Variants in PREP observed in about 807,000 individuals in gnomAD.
The protein encoded by PREP is dJ355L5.1 (prolyl endopeptidase).
PREP carries 29 observed loss-of-function variants against 87.6 expected under a neutral mutation model. The observed-to-expected ratio is 0.33, with a 90% CI of 0.25 to 0.45. The LOEUF (loss-of-function observed/expected upper bound fraction) is 0.45, where lower values mean the gene tolerates loss of function less well. Among genes scored for constraint, PREP ranks in the 20% least tolerant of loss-of-function variants. PREP has a pLI of 1.00. For missense variants in PREP, 695 were observed against 886.5 expected (o/e 0.78, Z 2.74); for synonymous variants, 337 against 328.6 (o/e 1.03, Z -0.28).
At chr6:105,345,418 T>G (rs6921153) in intron 7 of PREP, among the ~76,000 whole-genome samples, 19,523 of 152,186 alleles carry the variant, frequency 0.13, 2,143 homozygotes, top group African/African-American at 0.3. Context: ...ATTCATTTAT[T>G]GAGTGAAGAT....
chr6:105,372,737 A>C (rs1017041084), intron 5 of PREP, among the ~76,000 whole-genome samples: 3 of 152,248 alleles, frequency 2.0e-5, no homozygotes, highest in African/African-American at 7.2e-5. Flanking sequence ...CACTCAACAT[A>C]ATCAAATAGC....
At position 105,300,091 on chromosome 6, in the gene PREP, T is replaced by G. The variant is rs140024393; in HGVS notation, c.1318-11197A>C. On this transcript the variant is annotated intron_variant, in intron 10 of 14. Transcript: ENST00000652536. ...TTGGTATTTTTAGTAGAGATAGGGT[T>G]TCACCATGTTGGCCAGGATGGTCTC... Among the ~76,000 whole-genome samples, 562 of 152,274 alleles carry G rather than the reference T, an allele frequency of 3.7e-3. 1 individual carries two copies. The highest frequency in any genetic ancestry group is 5.7e-3 in the Non-Finnish European group (386 of 68,014).
At chr6:105,289,910 A>G (rs1770260269) in intron 10 of PREP, among the ~76,000 whole-genome samples, 2 of 152,250 alleles carry the variant, frequency 1.3e-5, no homozygotes, top group East Asian at 1.9e-4. Flanking sequence ...TCTGTTGCGC[A>G]AAGTTGCCAC....
intron 14 of PREP, 23 bp downstream of exon 14, chr6:105,281,723 T>C (rs1350381258): frequency 3.1e-6 from 5 of 1,609,790 alleles, no homozygotes; most frequent in Non-Finnish European, 3.4e-6. Flanking sequence ...ACTAACAACA[T>C]ATATATGTCA....
chr6:105,339,678 T>C (rs1171182910), intron 7 of PREP, among the ~76,000 whole-genome samples: 1 of 152,090 alleles, frequency 6.6e-6, no homozygotes, highest in Non-Finnish European at 1.5e-5. Context: ...ATAAACAGTG[T>C]AGAGAAGACC....
At chr6:105,371,261 T>C (rs1354327951) in intron 5 of PREP, among the ~76,000 whole-genome samples, 1 of 152,016 alleles carries the variant, frequency 6.6e-6, no homozygotes, top group Non-Finnish European at 1.5e-5. Flanking sequence ...TCCCAGCACT[T>C]TGGGAGGCCG....
intron 12 of PREP, among the ~76,000 whole-genome samples, chr6:105,284,827 C>A (rs907753182): frequency 1.3e-5 from 2 of 152,132 alleles, no homozygotes; most frequent in Admixed American, 1.3e-4. Context: ...AAATTGTGAC[C>A]ATTTGGGGTA....
Position 105,324,558 on chromosome 6 carries a change from T to A in PREP, c.1214-790A>T, listed in dbSNP as rs181128070. On this transcript the variant is annotated intron_variant, in intron 9 of 14. Coordinates refer to ENST00000652536, the MANE Select transcript of PREP (RefSeq NM_002726.5). ...GTGGTTTATAAAACAGAATTAGTCA[T>A]CCACAGAGTGGCTGGTGTGGAAATA... 2.8e-4 allele frequency among the ~76,000 whole-genome samples: 42 copies of A among 152,314 alleles called. No individual in the cohort carries two copies. In the East Asian group the frequency reaches 7.5e-3, roughly 27 times the overall value.
intron 6 of PREP, among the ~76,000 whole-genome samples, chr6:105,363,615 C>T (rs1008653662): frequency 5.3e-5 from 8 of 152,150 alleles, no homozygotes; most frequent in East Asian, 1.9e-4. Context: ...GGAGGCTTCC[C>T]GAGGTCCCTG....
intron 6 of PREP, among the ~76,000 whole-genome samples, chr6:105,353,499 A>G (rs1772010565): frequency 1.3e-5 from 2 of 152,134 alleles, no homozygotes; most frequent in Non-Finnish European, 1.5e-5. Flanking sequence ...GGCCGGGCGC[A>G]GTGGTTCACG....
At chr6:105,285,621 T>C (rs769711434) in intron 11 of PREP, 41 bp from the exon 12 acceptor site, 3 of 1,518,746 alleles carry the variant, frequency 2.0e-6, no homozygotes, top group South Asian at 1.1e-5. Flanking sequence ...ATTAACTGCC[T>C]AGTGAAGACC....
At chr6:105,282,429 A>T (rs375299515) in intron 13 of PREP, 22 bp downstream of exon 13, 3 of 1,606,666 alleles carry the variant, frequency 1.9e-6, no homozygotes, top group Non-Finnish European at 2.5e-6. Context: ...AGTAAGTGCA[A>T]TGAATAAAAT....
chr6:105,280,902 G>A (rs1298082561), intron 14 of PREP: 3 of 152,198 alleles, frequency 2.0e-5, no homozygotes, highest in Non-Finnish European at 4.4e-5. Context: ...GCCATTTCAG[G>A]AGCATATATT....
intron 6 of PREP, among the ~76,000 whole-genome samples, chr6:105,366,400 T>A (rs1460549510): frequency 2.0e-5 from 3 of 152,236 alleles, no homozygotes; most frequent in Non-Finnish European, 2.9e-5. Flanking sequence ...AGTTCCAGCA[T>A]GGACTTGCAA....
chr6:105,316,301 G>A (rs1223141698), intron 10 of PREP, among the ~76,000 whole-genome samples: 3 of 152,190 alleles, frequency 2.0e-5, no homozygotes, highest in Non-Finnish European at 4.4e-5. Flanking sequence ...GCGGTCTGAC[G>A]AGAGGGAGAG....
intron 5 of PREP, among the ~76,000 whole-genome samples, chr6:105,370,721 T>A (rs189088674): frequency 8.6e-4 from 131 of 152,302 alleles, no homozygotes; most frequent in Non-Finnish European, 1.5e-3. Context: ...GGAAAAGGCC[T>A]GTAGGGAACT....
At position 105,278,410 on chromosome 6, in the gene PREP, G is replaced by T; in HGVS notation, c.1867C>A (p.Pro623Thr). Residue 623 changes from proline to threonine, a missense_variant, in exon 15 of 15, where the codon CCA becomes ACA. Physicochemically the swap from Pro to Thr is conservative, Grantham distance 38. This residue lies in a region of PREP where 121 missense variants were observed against 154.8 expected (regional missense o/e 0.78). Coordinates refer to ENST00000652536, the MANE Select transcript of PREP (RefSeq NM_002726.5). This position sits in a 1 kb window ranked among gnomAD's most constrained non-coding sequence, Gnocchi z 4.2. ...KYSPLHNVKL[P>T]EADDIQYPSM... ...GGGTACTGGATGTCATCTGCTTCTGGTAACTTCACATTATGCAATGGAGAG... is the reference window on the plus strand; with the variant it reads ...GGGTACTGGATGTCATCTGCTTCTGTTAACTTCACATTATGCAATGGAGAG... 13 of 1,613,636 alleles carry T rather than the reference G, an allele frequency of 8.1e-6. No individual in the cohort carries two copies. The highest frequency in any genetic ancestry group is 1.1e-5 in the Non-Finnish European group (13 of 1,179,576).
intron 7 of PREP, among the ~76,000 whole-genome samples, chr6:105,338,661 T>C (rs911013917): frequency 6.6e-6 from 1 of 152,182 alleles, no homozygotes; most frequent in Non-Finnish European, 1.5e-5. Context: ...TGACAGACGG[T>C]ACCTGGAAAA....
chr6:105,349,326 C>A (rs887650213), intron 7 of PREP, among the ~76,000 whole-genome samples: 1 of 152,186 alleles, frequency 6.6e-6, no homozygotes, highest in Non-Finnish European at 1.5e-5. Flanking sequence ...AGCAAAAGAA[C>A]AGAAGTCCAC....
Sources: allele counts gnomAD v4.1 joint callset (sites outside exome capture counted in the v4.1 genomes callset), GRCh38; gene constraint gnomAD v4.1.1; regional missense constraint gnomAD v4.1.1; non-coding constraint Gnocchi (gnomAD v3.1); transcripts MANE v1.5; gene names NCBI Gene and HGNC (gene_info 2026-07-23, HGNC 2026-07-21).